Variants in ZC3H18 observed in about 807,000 individuals in gnomAD.
ZC3H18 encodes the protein zinc finger CCCH-type containing 18, also known as zinc finger CCCH domain-containing protein 18.
A neutral mutation model predicts 106.1 loss-of-function variants in ZC3H18; 8 were observed. That is an observed-to-expected ratio of 0.08 (90% CI 0.04 to 0.14). ZC3H18 has a LOEUF of 0.14. Ranked by LOEUF, ZC3H18 falls within the 10% of genes least tolerant of loss-of-function variation. The pLI, the probability that ZC3H18 is intolerant of heterozygous loss-of-function variation, is 1.00. For synonymous variants in ZC3H18, 635 were observed against 522.1 expected, an observed-to-expected ratio of 1.22 and a Z score of -2.95; for missense variants, 1,318 against 1,278.4, an observed-to-expected ratio of 1.03 and a Z score of -0.47.
At chr16:88,571,585 C>T (rs1388784335) in intron 1 of ZC3H18, 2 of 984,862 alleles carry the variant, frequency 2.0e-6, no homozygotes, top group Non-Finnish European at 2.4e-6. Context: ...AAATGTGTCC[C>T]AAAGCCGGAA....
chr16:88,627,868 G>C lies in ZC3H18; in HGVS notation c.2270-52G>C. On this transcript the variant is annotated intron_variant, in intron 14 of 17. Transcript: ENST00000301011. This position sits in a 1 kb window ranked among gnomAD's most constrained non-coding sequence, Gnocchi z 4.5. ...ACAGACTTTGCCTGGCTGTTGGTGT[G>C]GCCATGGGAAAATCACCAGTACCCC... 6.2e-7 allele frequency: 1 copy of C among 1,613,138 alleles called. No homozygotes were observed.
At chr16:88,614,862 C>G (rs1212343167) in intron 8 of ZC3H18, among the ~76,000 whole-genome samples, 3 of 152,248 alleles carry the variant, frequency 2.0e-5, no homozygotes, top group Non-Finnish European at 2.9e-5. Context: ...GACCCCACTG[C>G]AAAGGTGCAG....
chr16:88,623,791 C>G, intron 10 of ZC3H18, 167 bp from the exon 11 acceptor site: 2 of 1,295,490 alleles, frequency 1.5e-6, no homozygotes, highest in South Asian at 3.6e-5. Context: ...CTACTCTGGG[C>G]CTGTGTTTTT....
chr16:88,588,775 G>T (rs544908891), intron 3 of ZC3H18, among the ~76,000 whole-genome samples: 1 of 152,206 alleles, frequency 6.6e-6, no homozygotes, highest in East Asian at 1.9e-4. Flanking sequence ...AGCTACGTGG[G>T]GGGTGGGGGC....
At chr16:88,582,283 G>A (rs1461703462) in intron 2 of ZC3H18, among the ~76,000 whole-genome samples, 1 of 125,898 alleles carries the variant, frequency 7.9e-6, no homozygotes, top group Non-Finnish European at 1.6e-5. Context: ...AGAGTGCAGT[G>A]GTGCGATCTT....
intron 3 of ZC3H18, among the ~76,000 whole-genome samples, chr16:88,588,902 A>C (rs1378388848): frequency 1.3e-5 from 2 of 151,974 alleles, no homozygotes; most frequent in African/African-American, 4.8e-5. Context: ...AAAAAAAGTC[A>C]GAAGCTAGAT....
chr16:88,577,380 A>G lies in ZC3H18; in HGVS notation c.257A>G (p.Asn86Ser). The G allele has an allele frequency of 6.3e-7, 1 of 1,597,336 alleles. No individual in the cohort carries two copies. The highest frequency in any genetic ancestry group is 8.5e-7 in the Non-Finnish European group (1 of 1,169,932). Residue 86 changes from asparagine to serine, a missense_variant, in exon 2 of 18, where the codon AAT (asparagine) becomes AGT (serine). Asn to Ser is a conservative substitution (Grantham distance 46). Around this residue, in one of 6 missense-constraint regions of ZC3H18, gnomAD observed 346 missense variants for 269.0 expected, o/e 1.29. Coordinates refer to ENST00000301011, the MANE Select transcript of ZC3H18 (RefSeq NM_144604.4). The stretch of plus-strand genomic sequence containing the variant: ...TCCCAAGACCAGGACTCAGAGGTGA[A>G]TGAGCTGAGCCGGGGCCCGACCAGC... ...PKSQDQDSEV[N>S]ELSRGPTSSP...
intron 1 of ZC3H18, among the ~76,000 whole-genome samples, chr16:88,574,344 G>A (rs1214802362): frequency 1.3e-5 from 2 of 151,918 alleles, no homozygotes; most frequent in African/African-American, 4.8e-5. Context: ...CAAGTAGCTT[G>A]GATAACAGGC....
At chr16:88,596,631 G>C (rs767789305) in intron 3 of ZC3H18, among the ~76,000 whole-genome samples, 34 of 151,960 alleles carry the variant, frequency 2.2e-4, no homozygotes, top group Non-Finnish European at 1.3e-4. Context: ...GTCTCACTCA[G>C]TCAGAGTGAG....
intron 10 of ZC3H18, 62 bp downstream of exon 10, chr16:88,623,406 T>G (rs1906095631): frequency 1.9e-6 from 3 of 1,589,546 alleles, no homozygotes; most frequent in Admixed American, 1.8e-5. Context: ...CACCTGCGGA[T>G]GTGGCTTTAG....
At chr16:88,593,567 G>T (rs558563653) in intron 3 of ZC3H18, among the ~76,000 whole-genome samples, 3 of 152,338 alleles carry the variant, frequency 2.0e-5, no homozygotes, top group African/African-American at 7.2e-5. Context: ...AGTACTCAGC[G>T]TGGTGGAGTG....
chr16:88,623,263 G>T lies in ZC3H18; in HGVS notation c.1712G>T (p.Arg571Leu), dbSNP rs146961888. The change falls in exon 10 of 18, where the codon CGG (arginine) becomes CTG (leucine). Residue 571 changes from arginine (R) to leucine (L), a missense_variant. Physicochemically the swap from Arg to Leu is moderately radical, Grantham distance 102. Around this residue, in one of 6 missense-constraint regions of ZC3H18, gnomAD observed 848 missense variants for 821.7 expected, o/e 1.03. Transcript: ENST00000301011. ...TCCTACTCTGGCTCCGGCTCCTCCC[G>T]GTCGCGATCCCGGTCTTCATCCTAC... is the stretch of plus-strand genomic sequence containing the variant. Reference protein sequence around the residue: ...SSSYSGSGSSRSRSRSSSYSS... With the variant: ...SSSYSGSGSSLSRSRSSSYSS... 6.2e-7 allele frequency: 1 copy of T among 1,613,580 alleles called. No individual in the cohort carries two copies. Among genetic ancestry groups the T allele is most frequent in the Non-Finnish European group, 8.5e-7 (1 of 1,179,954 alleles).
At chr16:88,590,647 C>A (rs1049444492) in intron 3 of ZC3H18, among the ~76,000 whole-genome samples, 3 of 138,978 alleles carry the variant, frequency 2.2e-5, no homozygotes, top group Non-Finnish European at 3.0e-5. Context: ...GTTGGAACCT[C>A]CACCTGGGTT....
At chr16:88,604,520 A>C (rs2142714483) in intron 6 of ZC3H18, among the ~76,000 whole-genome samples, 1 of 151,976 alleles carries the variant, frequency 6.6e-6, no homozygotes, top group South Asian at 2.1e-4. Context: ...CCCCATCTCT[A>C]CTAAAAATAC....
At chr16:88,591,270 TTC>T (rs1455067424) in intron 3 of ZC3H18, among the ~76,000 whole-genome samples, 1 of 152,002 alleles carries the variant, frequency 6.6e-6, no homozygotes, top group Non-Finnish European at 1.5e-5. Flanking sequence ...GCACCTGGCC[TTC>T]TGTCTTTTTA....
At chr16:88,590,779 C>T (rs12929697) in intron 3 of ZC3H18, among the ~76,000 whole-genome samples, 53,963 of 151,160 alleles carry the variant, frequency 0.36, 10,004 homozygotes, top group East Asian at 0.57. Context: ...AGGCTGGTCT[C>T]GAACCCCTGA....
intron 3 of ZC3H18, among the ~76,000 whole-genome samples, chr16:88,589,134 C>G (rs1358207776): frequency 1.3e-5 from 2 of 152,120 alleles, no homozygotes; most frequent in African/African-American, 4.8e-5. Flanking sequence ...TATGATCTCT[C>G]CAATAACAAC....
At position 88,628,155 on chromosome 16, in the gene ZC3H18, G is replaced by T. The variant is rs369741604; in HGVS notation, c.2469+36G>T. Reference sequence around the variant, plus strand: ...GGGCCCTCCTGGTGGCTGCCCCAGCGTCTAGGCCTGGGTCCATCTGCTTCC... The same window carrying T: ...GGGCCCTCCTGGTGGCTGCCCCAGCTTCTAGGCCTGGGTCCATCTGCTTCC... On this transcript the variant is annotated intron_variant, in intron 15 of 17. Coordinates refer to ENST00000301011, the MANE Select transcript of ZC3H18 (RefSeq NM_144604.4). 4 of 1,604,224 alleles carry T rather than the reference G, an allele frequency of 2.5e-6. No homozygotes were observed. The South Asian group carries it at 4.4e-5, about 18-fold the overall frequency.
chr16:88,630,604 C>T (rs772042686), intron 17 of ZC3H18, 23 bp downstream of exon 17: 6 of 1,578,012 alleles, frequency 3.8e-6, no homozygotes, highest in South Asian at 3.4e-5. Context: ...CAGCATGTGC[C>T]CTGGGCACAC....
Sources: gnomAD v4.1 joint callset for allele counts (sites outside exome capture counted in the v4.1 genomes callset) on GRCh38, gnomAD v4.1.1 for gene constraint, gnomAD v4.1.1 regional missense constraint, Gnocchi (gnomAD v3.1) non-coding constraint, MANE v1.5 for transcripts, NCBI Gene and HGNC (gene_info 2026-07-23, HGNC 2026-07-21) for gene names.